SIAH3: variants seen among roughly 807,000 people sequenced by gnomAD.
SIAH3 encodes the protein siah E3 ubiquitin protein ligase family member 3, also known as seven in absentia homolog 3.
SIAH3 carries 9 observed loss-of-function variants against 12.6 expected under a neutral mutation model. The ratio of observed to expected loss-of-function variants is 0.72; its 90% confidence interval spans 0.43 to 1.25. The LOEUF (loss-of-function observed/expected upper bound fraction) is 1.25. Among genes scored for constraint, SIAH3 ranks in the 50% most tolerant of loss-of-function variants. SIAH3 has a pLI of 0.00. For missense variants in SIAH3, 390 were observed against 365.4 expected (o/e 1.07, Z -0.55); for synonymous variants, 154 against 151.1 (o/e 1.02, Z -0.14).
intron 1 of SIAH3, among the ~76,000 whole-genome samples, chr13:45,799,364 G>A (rs1345156403): frequency 6.6e-6 from 1 of 152,158 alleles, no homozygotes; most frequent in Non-Finnish European, 1.5e-5. Flanking sequence ...TGGATAATAG[G>A]AGGAATGCGT....
chr13:45,783,951 A>G lies in SIAH3; in HGVS notation c.242T>C (p.Leu81Pro). Residue 81 changes from leucine (L) to proline (P), a missense_variant, in exon 2 of 2, where the codon CTC becomes CCC. Physicochemically the swap from Leu to Pro is moderately conservative, Grantham distance 98 (BLOSUM62 -3). Transcript: ENST00000400405. Reference protein sequence around the residue: ...HHCHHRHHHHLRHHAHPHHLH... With the variant: ...HHCHHRHHHHPRHHAHPHHLH... ...GTGGTGGGGGTGGGCGTGGTGGCGGAGGTGGTGGTGGTGGCGGTGGTGGCA... is the reference window on the plus strand; with the variant it reads ...GTGGTGGGGGTGGGCGTGGTGGCGGGGGTGGTGGTGGTGGCGGTGGTGGCA... The G allele has an allele frequency of 6.2e-7, 1 of 1,601,382 alleles. No homozygotes were observed. Among genetic ancestry groups the G allele is most frequent in the Non-Finnish European group, 8.5e-7 (1 of 1,172,756 alleles).
chr13:45,826,437 A>ATGGG (rs1950676633), intron 1 of SIAH3, among the ~76,000 whole-genome samples: 2 of 28,628 alleles, frequency 7.0e-5, no homozygotes, highest in African/African-American at 2.4e-4. Flanking sequence ...GGATGAATGG[A>ATGGG]TGCATGGATG....
chr13:45,839,425 A>G (rs1176927825), intron 1 of SIAH3, among the ~76,000 whole-genome samples: 2 of 152,138 alleles, frequency 1.3e-5, no homozygotes, highest in Non-Finnish European at 2.9e-5. Flanking sequence ...CAGGTAACCC[A>G]TTTCTTAAAA....
chr13:45,822,370 G>A (rs1222290506), intron 1 of SIAH3, among the ~76,000 whole-genome samples: 1 of 151,576 alleles, frequency 6.6e-6, no homozygotes, highest in African/African-American at 2.4e-5. Context: ...ACAGTATATT[G>A]GACCATTTGA....
chr13:45,842,539 A>C (rs1286708503), intron 1 of SIAH3, among the ~76,000 whole-genome samples: 1 of 152,022 alleles, frequency 6.6e-6, no homozygotes, highest in Non-Finnish European at 1.5e-5. Context: ...TGGAGACACG[A>C]GGTCTCACTA....
At chr13:45,834,794 A>T (rs773945750) in intron 1 of SIAH3, among the ~76,000 whole-genome samples, 2 of 151,734 alleles carry the variant, frequency 1.3e-5, no homozygotes, top group Non-Finnish European at 2.9e-5. Flanking sequence ...CACAATCCTG[A>T]CTCTACCACT....
At chr13:45,796,744 A>G (rs1316294375) in intron 1 of SIAH3, among the ~76,000 whole-genome samples, 1 of 152,178 alleles carries the variant, frequency 6.6e-6, no homozygotes, top group Admixed American at 6.5e-5. Context: ...CTTTGTGTAA[A>G]TGCCTCACTG....
At chr13:45,827,705 G>C (rs973739886) in intron 1 of SIAH3, among the ~76,000 whole-genome samples, 13 of 152,156 alleles carry the variant, frequency 8.5e-5, no homozygotes, top group Non-Finnish European at 1.8e-4. Context: ...GCTACATCAG[G>C]CTCTGATTGA....
intron 1 of SIAH3, among the ~76,000 whole-genome samples, chr13:45,803,369 T>A (rs925540620): frequency 6.6e-6 from 1 of 152,202 alleles, no homozygotes; most frequent in Non-Finnish European, 1.5e-5. Context: ...CACAAAAGGA[T>A]GTACAGTCTA....
intron 1 of SIAH3, among the ~76,000 whole-genome samples, chr13:45,843,032 C>CTG (rs746384493): frequency 0.014 from 1,781 of 126,958 alleles, 39 homozygotes; most frequent in East Asian, 0.064. Context: ...CTCTCTCTCT[C>CTG]TCTGTGTGTG....
chr13:45,836,434 A>G (rs1950718034), intron 1 of SIAH3, among the ~76,000 whole-genome samples: 1 of 152,198 alleles, frequency 6.6e-6, no homozygotes. Flanking sequence ...GGAAGCCACT[A>G]TATTATCAAG....
At chr13:45,802,175 A>G (rs985925714) in intron 1 of SIAH3, among the ~76,000 whole-genome samples, 1 of 152,008 alleles carries the variant, frequency 6.6e-6, no homozygotes, top group African/African-American at 2.4e-5. Flanking sequence ...GCGTGGTGGC[A>G]TGCACCTGTA....
intron 1 of SIAH3, among the ~76,000 whole-genome samples, chr13:45,792,530 G>A (rs563078658): frequency 1.3e-5 from 2 of 152,060 alleles, no homozygotes; most frequent in South Asian, 4.2e-4. Context: ...GCTAAGTTTT[G>A]TATTTTTAGT....
intron 1 of SIAH3, 57 bp from the exon 2 acceptor site, chr13:45,784,114 C>A: frequency 6.8e-7 from 1 of 1,476,824 alleles, no homozygotes; most frequent in South Asian, 1.3e-5. Flanking sequence ...CCCAGGCCGC[C>A]ACTCCCCTGA....
chr13:45,817,753 A>G (rs1950639589), intron 1 of SIAH3, among the ~76,000 whole-genome samples: 1 of 152,244 alleles, frequency 6.6e-6, no homozygotes, highest in Admixed American at 6.5e-5. Context: ...GAGCTTATAC[A>G]TAAAGAGAAT....
intron 1 of SIAH3, among the ~76,000 whole-genome samples, chr13:45,793,007 T>C (rs1950551214): frequency 6.6e-6 from 1 of 152,226 alleles, no homozygotes; most frequent in Non-Finnish European, 1.5e-5. Flanking sequence ...AGTTTAAAGA[T>C]TAACCTTTTT....
chr13:45,835,340 G>T (rs561387049), intron 1 of SIAH3, among the ~76,000 whole-genome samples: 1 of 152,068 alleles, frequency 6.6e-6, no homozygotes, highest in Non-Finnish European at 1.5e-5. Context: ...AATGGAAGCC[G>T]GACACAGTAG....
At chr13:45,822,556 T>TATATATATATATATATATATATATA (rs58735572) in intron 1 of SIAH3, among the ~76,000 whole-genome samples, 11 of 137,044 alleles carry the variant, frequency 8.0e-5, no homozygotes, top group Non-Finnish European at 1.3e-4. Context: ...TATATATATA[T>TATATATATATATATATATATATATA]TAGACTAGGG....
At chr13:45,824,798 T>C (rs909485915) in intron 1 of SIAH3, among the ~76,000 whole-genome samples, 1 of 150,936 alleles carries the variant, frequency 6.6e-6, no homozygotes, top group African/African-American at 2.4e-5. Flanking sequence ...CTGAGCCTTA[T>C]TCCTCATTTA....
Sources: gnomAD v4.1 joint callset for allele counts (sites outside exome capture counted in the v4.1 genomes callset) on GRCh38, gnomAD v4.1.1 for gene constraint, MANE v1.5 for transcripts, NCBI Gene and HGNC (gene_info 2026-07-23, HGNC 2026-07-21) for gene names.